The following NOS1 variants were observed in gnomAD, a reference collection of about 807,000 sequenced individuals.
The protein encoded by NOS1 is nitric oxide synthase 1.
In NOS1, 51 loss-of-function variants were observed where a neutral mutation model predicts 164.5. The ratio of observed to expected loss-of-function variants is 0.31; its 90% CI spans 0.25 to 0.39. The LOEUF is 0.39. NOS1 is among the 10% of genes least tolerant of loss of function. NOS1 has a pLI of 1.00. For synonymous variants in NOS1, 719 were observed against 745.8 expected, an observed-to-expected ratio of 0.96 and a Z score of 0.59; for missense variants, 1,362 against 1,885.6, an observed-to-expected ratio of 0.72 and a Z score of 5.14.
chr12:117,215,869 C>CTTTT (rs34665031), intron 28 of NOS1, among the ~76,000 whole-genome samples: 16 of 85,426 alleles, frequency 1.9e-4, no homozygotes, highest in South Asian at 3.8e-4. Flanking sequence ...TTTAAAAGGA[C>CTTTT]TTTTTTTTTT....
chr12:117,321,273 G>A (rs1369951761), intron 2 of NOS1, among the ~76,000 whole-genome samples: 1 of 152,210 alleles, frequency 6.6e-6, no homozygotes, highest in Non-Finnish European at 1.5e-5. Flanking sequence ...GCCTCCCAAA[G>A]TGCTGGGATT....
In NOS1 at chr12:117,264,146, AGG is replaced by A. The variant is rs11314930; in HGVS notation, c.2137-174_2137-173del. Among the ~76,000 whole-genome samples the A allele has an allele frequency of 4.1e-4, 47 of 113,818 alleles. 1 individual carries two copies. The highest frequency in any genetic ancestry group is 3.3e-3 in the South Asian group (12 of 3,668). 74.7% of individuals were successfully genotyped at this position (113,818 alleles called of 152,430 possible). The stretch of plus-strand genomic sequence containing the variant: ...GGGGAAGGGATGCGGGGTTGGGGGG[AGG>A]GGGGGGGTCCTTGCCCAGTGGGTGG... On this transcript the variant is annotated intron_variant, in intron 12 of 28. Transcript: ENST00000317775.
In NOS1 at chr12:117,243,097, C is replaced by T. The variant is rs1442982560; in HGVS notation, c.2962+200G>A. Among the ~76,000 whole-genome samples, 1 of 152,078 alleles carries T rather than the reference C, an allele frequency of 6.6e-6. No individual in the cohort carries two copies. Among genetic ancestry groups the T allele is most frequent in the East Asian group, 1.9e-4 (1 of 5,184 alleles). On this transcript the variant is annotated intron_variant, in intron 19 of 28. Coordinates refer to ENST00000317775, the MANE Select transcript of NOS1 (RefSeq NM_000620.5). The surrounding 1 kb of genome is among the most constrained non-coding windows in gnomAD (Gnocchi z 4.3). ...TGGTTTGGAAGAACACAGTACATTA[C>T]TAGAGAGAGAGAGGGAAACATTTAC... is the stretch of plus-strand genomic sequence containing the variant.
intron 7 of NOS1, among the ~76,000 whole-genome samples, chr12:117,281,316 T>C (rs1873635251): frequency 6.6e-6 from 1 of 151,032 alleles, no homozygotes. Flanking sequence ...AGTCAGGTGT[T>C]TGAGACCAGC....
At chr12:117,268,020 G>A in intron 11 of NOS1, 23 bp downstream of exon 11, 3 of 1,526,652 alleles carry the variant, frequency 2.0e-6, no homozygotes, top group Admixed American at 1.7e-5. Context: ...GCTTGACCCT[G>A]GTGGTGCGGG....
chr12:117,277,806 C>T (rs1873306454), intron 9 of NOS1, among the ~76,000 whole-genome samples, 153 bp downstream of exon 9: 1 of 152,108 alleles, frequency 6.6e-6, no homozygotes, highest in African/African-American at 2.4e-5. Context: ...ACTCACTCTG[C>T]CCAAGCCCGC....
chr12:117,298,523 G>C (rs1054993897), intron 3 of NOS1, among the ~76,000 whole-genome samples: 6 of 152,130 alleles, frequency 3.9e-5, no homozygotes, highest in Non-Finnish European at 5.9e-5. Flanking sequence ...ATATGTTGAT[G>C]TCCTAAACTG....
intron 1 of NOS1, among the ~76,000 whole-genome samples, chr12:117,337,105 TC>T (rs1287654613): frequency 0.28 from 30,895 of 110,354 alleles, 5,918 homozygotes; most frequent in Middle Eastern, 0.36. Flanking sequence ...TGCTTTTTAC[TC>T]TTTTTTTTTT....
Position 117,211,890 on chromosome 12 carries a change from C to G in NOS1, c.*3419G>C. The G allele has an allele frequency of 1.2e-6, 1 of 810,342 alleles. No homozygotes were observed. 50.2% of individuals were successfully genotyped at this position (810,342 alleles called of 1,614,324 possible). The stretch of plus-strand genomic sequence containing the variant: ...GACCAGCCTGGCCAACATGGTGAAA[C>G]CCTGACTCTACTAAAAATACAAAAC... On this transcript the variant is annotated 3_prime_UTR_variant, in exon 29 of 29. Coordinates refer to ENST00000317775, the MANE Select transcript of NOS1 (RefSeq NM_000620.5).
At chr12:117,317,703 G>A (rs956986314) in intron 2 of NOS1, among the ~76,000 whole-genome samples, 5 of 151,934 alleles carry the variant, frequency 3.3e-5, no homozygotes, top group Non-Finnish European at 7.4e-5. Flanking sequence ...TGAGGAGCTC[G>A]CCTTCACTAA....
intron 3 of NOS1, among the ~76,000 whole-genome samples, chr12:117,294,074 A>C (rs1053221608): frequency 6.6e-6 from 1 of 152,212 alleles, no homozygotes; most frequent in Non-Finnish European, 1.5e-5. Context: ...GAGAAAAAAA[A>C]CAAATAATCC....
At chr12:117,229,089 C>A (rs992750524) in intron 22 of NOS1, among the ~76,000 whole-genome samples, 1 of 152,158 alleles carries the variant, frequency 6.6e-6, no homozygotes, top group Non-Finnish European at 1.5e-5. Flanking sequence ...CCTGTTCTGG[C>A]CCTATTAATA....
intron 3 of NOS1, among the ~76,000 whole-genome samples, chr12:117,307,885 C>A (rs1874232221): frequency 6.6e-6 from 1 of 151,820 alleles, no homozygotes; most frequent in Admixed American, 6.6e-5. Context: ...TGTGGTGGCA[C>A]ACACCTGTAA....
At chr12:117,352,749 C>T (rs557849691) in intron 1 of NOS1, among the ~76,000 whole-genome samples, 62 of 152,022 alleles carry the variant, frequency 4.1e-4, no homozygotes, top group Admixed American at 1.6e-3. Context: ...CATGAGTGTG[C>T]GTATATGCAT....
intron 1 of NOS1, among the ~76,000 whole-genome samples, chr12:117,334,660 GC>G (rs1395883905): frequency 6.6e-6 from 1 of 152,180 alleles, no homozygotes; most frequent in Non-Finnish European, 1.5e-5. Flanking sequence ...CTCCCAAAGT[GC>G]TGGGATTACA....
At position 117,213,761 on chromosome 12, in the gene NOS1, G is replaced by C. The variant is rs1305630530; in HGVS notation, c.*1548C>G. ...GCAGAACATTCCCTTTCCATCCTTGGGGACCCTGCAGTCTGGGAGGCCACT... is the reference window on the plus strand; with the variant it reads ...GCAGAACATTCCCTTTCCATCCTTGCGGACCCTGCAGTCTGGGAGGCCACT... On this transcript the variant is annotated 3_prime_UTR_variant, in exon 29 of 29. Transcript: ENST00000317775. 2 of 985,256 alleles carry C rather than the reference G, an allele frequency of 2.0e-6. No individual in the cohort carries two copies. Among genetic ancestry groups the C allele is most frequent in the African/African-American group, 3.5e-5 (2 of 57,206 alleles). The allele number at this position is 985,256 out of a possible 1,614,324, so 61.0% of individuals were successfully genotyped here. A position where few individuals can be genotyped will look rare whatever the true frequency, so the allele number is the denominator to read the frequency against.
chr12:117,342,099 T>C (rs1876139121), intron 1 of NOS1, among the ~76,000 whole-genome samples: 1 of 152,200 alleles, frequency 6.6e-6, no homozygotes. Flanking sequence ...CCATCAACAT[T>C]ATACTCTTTT....
chr12:117,313,402 C>A (rs1485691184), intron 2 of NOS1, among the ~76,000 whole-genome samples: 1 of 152,116 alleles, frequency 6.6e-6, no homozygotes, highest in East Asian at 1.9e-4. Context: ...TCGAGCGATC[C>A]TCCCACCTCT....
At chr12:117,317,183 T>C (rs1874707083) in intron 2 of NOS1, among the ~76,000 whole-genome samples, 1 of 151,952 alleles carries the variant, frequency 6.6e-6, no homozygotes, top group African/African-American at 2.4e-5. Flanking sequence ...GCCTGGCCTG[T>C]TTTATTATTT....
Sources: allele counts gnomAD v4.1 joint callset (sites outside exome capture counted in the v4.1 genomes callset), GRCh38; gene constraint gnomAD v4.1.1; non-coding constraint Gnocchi (gnomAD v3.1); transcripts MANE v1.5; gene names NCBI Gene and HGNC (gene_info 2026-07-23, HGNC 2026-07-21).